Variants in EPSTI1 observed in about 807,000 individuals in gnomAD.
EPSTI1 encodes epithelial stromal interaction 1, also known as epithelial-stromal interaction protein 1.
Under a neutral mutation model 49.9 loss-of-function variants are expected in EPSTI1, and 66 were observed. That is an observed-to-expected ratio of 1.32 (90% CI 1.08 to 1.62). The LOEUF (loss-of-function observed/expected upper bound fraction) is 1.62, where lower values mean the gene tolerates loss of function less well. Ranked by LOEUF, EPSTI1 falls within the 40% of genes most tolerant of loss-of-function variation. The pLI is 0.00. For synonymous variants in EPSTI1, 137 were observed against 130.7 expected (o/e 1.05, Z -0.33); for missense variants, 394 against 365.5 (o/e 1.08, Z -0.64).
At chr13:42,934,356 GT>G in intron 6 of EPSTI1, 1 of 156,446 alleles carries the variant, frequency 6.4e-6, no homozygotes. Context: ...TGTGTGCACC[GT>G]TTTGACCATC....
At chr13:42,971,619 A>G (rs1055838785) in intron 1 of EPSTI1, among the ~76,000 whole-genome samples, 2 of 22,680 alleles carry the variant, frequency 8.8e-5, no homozygotes, top group African/African-American at 2.4e-4. Flanking sequence ...AGAGGGAGGG[A>G]AAAAACCCCA....
At chr13:42,907,236 G>A (rs1172668497) in intron 8 of EPSTI1, among the ~76,000 whole-genome samples, 1 of 152,152 alleles carries the variant, frequency 6.6e-6, no homozygotes, top group Non-Finnish European at 1.5e-5. Flanking sequence ...CAAGGTAGAC[G>A]TAGGTTTCAA....
intron 6 of EPSTI1, among the ~76,000 whole-genome samples, chr13:42,946,238 C>T (rs779800567): frequency 2.0e-5 from 3 of 152,128 alleles, no homozygotes; most frequent in African/African-American, 7.2e-5. Context: ...CACTATTATT[C>T]AAATGCAAGT....
chr13:42,922,203 G>A lies in EPSTI1; in HGVS notation c.657+4133C>T, dbSNP rs568981069. 5.3e-5 allele frequency among the ~76,000 whole-genome samples: 8 copies of A among 152,278 alleles called. No homozygotes were observed. The South Asian group carries it at 1.0e-3, about 20-fold the overall frequency. On this transcript the variant is annotated intron_variant, in intron 7 of 10. Coordinates refer to ENST00000313624, the MANE Select transcript of EPSTI1 (RefSeq NM_033255.5). This position sits in a 1 kb window ranked among gnomAD's most constrained non-coding sequence, Gnocchi z 4.8. ...TACCAACACATATTAACAGATATTC[G>A]GAGCTAACTAAGAAAAGAAACAGGT...
intron 6 of EPSTI1, among the ~76,000 whole-genome samples, chr13:42,945,843 A>G (rs987200584): frequency 3.9e-5 from 6 of 152,242 alleles, no homozygotes; most frequent in African/African-American, 1.4e-4. Context: ...AACCATCAAC[A>G]TAATTTTACA....
At chr13:42,973,410 A>C (rs978269533) in intron 1 of EPSTI1, among the ~76,000 whole-genome samples, 2 of 152,226 alleles carry the variant, frequency 1.3e-5, no homozygotes, top group African/African-American at 4.8e-5. Context: ...TTTTATGTGA[A>C]TTGCTCAGCA....
chr13:42,952,570 G>A lies in EPSTI1; in HGVS notation c.563+1378C>T, dbSNP rs115740677. 3.5e-3 allele frequency among the ~76,000 whole-genome samples: 529 copies of A among 152,242 alleles called. 4 individuals are homozygous for A. The highest frequency in any genetic ancestry group is 0.012 in the African/African-American group (505 of 41,540). Reference sequence around the variant, plus strand: ...CTCTGCAAGACAGACAGTTTCTCCTGGTACTTAGCTCCTTAGCTTCCCACC... The same window carrying A: ...CTCTGCAAGACAGACAGTTTCTCCTAGTACTTAGCTCCTTAGCTTCCCACC... On this transcript the variant is annotated intron_variant, in intron 6 of 10. Coordinates refer to ENST00000313624, the MANE Select transcript of EPSTI1 (RefSeq NM_033255.5).
chr13:42,910,741 A>T (rs948533687), intron 8 of EPSTI1, among the ~76,000 whole-genome samples: 5 of 151,572 alleles, frequency 3.3e-5, no homozygotes, highest in African/African-American at 1.2e-4. Flanking sequence ...AAAACAGGGA[A>T]TTTTTTTTTA....
intron 8 of EPSTI1, among the ~76,000 whole-genome samples, chr13:42,907,838 C>A (rs1211667619): frequency 3.3e-5 from 5 of 152,152 alleles, no homozygotes; most frequent in Non-Finnish European, 5.9e-5. Flanking sequence ...GGAACATTAG[C>A]CATCTCTGCT....
intron 8 of EPSTI1, among the ~76,000 whole-genome samples, chr13:42,911,284 C>T (rs1020705727): frequency 1.3e-4 from 14 of 111,560 alleles, no homozygotes; most frequent in East Asian, 7.5e-4. Flanking sequence ...CGCGCGCACA[C>T]GTGTGTGAGT....
chr13:42,974,433 G>A (rs1366386990), intron 1 of EPSTI1, among the ~76,000 whole-genome samples: 1 of 152,262 alleles, frequency 6.6e-6, no homozygotes, highest in African/African-American at 2.4e-5. Flanking sequence ...CAGGGCGGGC[G>A]GATCACGAGG....
At chr13:42,901,679 C>T (rs1391642555) in intron 8 of EPSTI1, among the ~76,000 whole-genome samples, 1 of 152,330 alleles carries the variant, frequency 6.6e-6, no homozygotes, top group Non-Finnish European at 1.5e-5. Context: ...TCCTCTCCCT[C>T]GTCTCCACAA....
chr13:42,959,496 AC>A (rs1365112142), intron 5 of EPSTI1, among the ~76,000 whole-genome samples: 16 of 152,238 alleles, frequency 1.1e-4, no homozygotes, highest in African/African-American at 3.9e-4. Context: ...CCTTGCTACT[AC>A]TTGCTTCCTA....
Position 42,888,445 on chromosome 13 carries a change from A to T in EPSTI1, c.*49T>A. ...TCACATTAAGAAAAAGCATCTCATG[A>T]GGCTTTTCGAGGTCAGTTGATGAAG... On this transcript the variant is annotated 3_prime_UTR_variant, in exon 11 of 11. Transcript: ENST00000313624. 1 of 1,614,084 alleles carries T rather than the reference A, an allele frequency of 6.2e-7. No homozygotes were observed. The highest frequency in any genetic ancestry group is 8.5e-7 in the Non-Finnish European group (1 of 1,179,966).
At chr13:42,917,464 T>C in intron 8 of EPSTI1, 77 bp downstream of exon 8, 1 of 1,217,098 alleles carries the variant, frequency 8.2e-7, no homozygotes, top group Non-Finnish European at 1.2e-6. Flanking sequence ...TCTAAATATT[T>C]CTGTTCAGAA....
intron 1 of EPSTI1, among the ~76,000 whole-genome samples, chr13:42,972,616 A>G (rs746264737): frequency 3.3e-4 from 51 of 152,248 alleles, no homozygotes; most frequent in Non-Finnish European, 4.6e-4. Context: ...AGCATAAAAT[A>G]TGACCATCCT....
intron 8 of EPSTI1, among the ~76,000 whole-genome samples, chr13:42,914,650 T>A (rs1006169997): frequency 5.9e-5 from 9 of 152,162 alleles, no homozygotes; most frequent in African/African-American, 9.7e-5. Context: ...TAAAATTACC[T>A]TTGTCTTTTT....
chr13:42,911,040 T>C (rs1031818398), intron 8 of EPSTI1, among the ~76,000 whole-genome samples: 3 of 152,250 alleles, frequency 2.0e-5, no homozygotes, highest in African/African-American at 4.8e-5. Flanking sequence ...TCTTGTCACA[T>C]GACCTATCCT....
intron 6 of EPSTI1, among the ~76,000 whole-genome samples, chr13:42,946,937 G>GC (rs1323660405): frequency 3.9e-5 from 6 of 152,082 alleles, no homozygotes; most frequent in African/African-American, 1.4e-4. Context: ...CATCCCCCTT[G>GC]CCCCATTCAT....
Sources: allele counts gnomAD v4.1 joint callset (sites outside exome capture counted in the v4.1 genomes callset), GRCh38; gene constraint gnomAD v4.1.1; non-coding constraint Gnocchi (gnomAD v3.1); transcripts MANE v1.5; gene names NCBI Gene and HGNC (gene_info 2026-07-23, HGNC 2026-07-21).